Variants in PRLR observed in about 807,000 individuals in gnomAD.
PRLR encodes the protein hPRL receptor.
PRLR carries 13 observed loss-of-function variants against 40.2 expected under a neutral mutation model. The observed-to-expected ratio is 0.32, with a 90% confidence interval of 0.21 to 0.51. The LOEUF is 0.51. Ranked by LOEUF, PRLR falls within the 20% of genes least tolerant of loss-of-function variation. PRLR has a pLI of 0.97. For synonymous variants in PRLR, 269 were observed against 278.7 expected, an observed-to-expected ratio of 0.97 and a Z score of 0.35; for missense variants, 656 against 747.3, an observed-to-expected ratio of 0.88 and a Z score of 1.42.
chr5:35,151,867 C>A (rs961196018), intron 1 of PRLR, among the ~76,000 whole-genome samples: 1 of 152,182 alleles, frequency 6.6e-6, no homozygotes, highest in Non-Finnish European at 1.5e-5. Context: ...TGTCTTATTT[C>A]CTAACTCACA....
intron 2 of PRLR, among the ~76,000 whole-genome samples, chr5:35,116,680 A>G (rs1773042047): frequency 6.6e-6 from 1 of 152,204 alleles, no homozygotes; most frequent in Non-Finnish European, 1.5e-5. Flanking sequence ...GAGAAAGCAC[A>G]GAGAAGTCTG....
chr5:35,143,714 A>G (rs929677928), intron 1 of PRLR, among the ~76,000 whole-genome samples: 6 of 152,228 alleles, frequency 3.9e-5, no homozygotes, highest in African/African-American at 1.4e-4. Flanking sequence ...TACTGACCAC[A>G]AAGAACTTGT....
chr5:35,049,506 A>C (rs2112318624), intron 8 of PRLR: 1 of 633,220 alleles, frequency 1.6e-6, no homozygotes, highest in South Asian at 1.9e-5. Flanking sequence ...AATTATTCGG[A>C]TTACCATAAC....
chr5:35,144,335 T>A (rs542470868), intron 1 of PRLR, among the ~76,000 whole-genome samples: 2 of 152,302 alleles, frequency 1.3e-5, no homozygotes, highest in Admixed American at 1.3e-4. Context: ...GGGGCTTTGT[T>A]CCCTAGAGAT....
At chr5:35,085,385 A>T (rs929047410) in intron 4 of PRLR, among the ~76,000 whole-genome samples, 1 of 152,236 alleles carries the variant, frequency 6.6e-6, no homozygotes, top group Non-Finnish European at 1.5e-5. Flanking sequence ...AGCTGTCTCT[A>T]CCAGCAACTA....
chr5:35,049,322 C>T, exon 9 of PRLR: 1 of 703,260 alleles, frequency 1.4e-6, no homozygotes, highest in Non-Finnish European at 2.6e-6. Flanking sequence ...TTTGTGAACA[C>T]CGCAAGTCTT....
At chr5:35,073,434 C>G (rs1049845088) in intron 5 of PRLR, among the ~76,000 whole-genome samples, 1 of 152,158 alleles carries the variant, frequency 6.6e-6, no homozygotes, top group African/African-American at 2.4e-5. Context: ...TAATGTTTCT[C>G]GAGTATTTAC....
chr5:35,105,521 GAGA>G (rs748558429), intron 2 of PRLR, among the ~76,000 whole-genome samples: 4 of 152,178 alleles, frequency 2.6e-5, no homozygotes, highest in Non-Finnish European at 4.4e-5. Context: ...ACAGTGTATA[GAGA>G]AGACCTTAAA....
chr5:35,054,254 A>C (rs888137664), downstream of PRLR, among the ~76,000 whole-genome samples: 18 of 152,240 alleles, frequency 1.2e-4, no homozygotes, highest in African/African-American at 4.3e-4. Flanking sequence ...ATTTGTCAGC[A>C]TCTAGGAAAT....
intron 1 of PRLR, among the ~76,000 whole-genome samples, chr5:35,141,346 T>C (rs990322809): frequency 1.3e-5 from 2 of 152,066 alleles, no homozygotes; most frequent in African/African-American, 2.4e-5. Flanking sequence ...AGGCTCAGAA[T>C]TGGGAAATGC....
intron 1 of PRLR, among the ~76,000 whole-genome samples, chr5:35,196,221 G>A (rs771397090): frequency 1.6e-4 from 24 of 152,298 alleles, no homozygotes; most frequent in Admixed American, 3.9e-4. Context: ...GGCAAGTTTG[G>A]ACTCAATCCT....
At chr5:35,051,486 T>C (rs1312520724), downstream of PRLR, among the ~76,000 whole-genome samples, 1 of 152,216 alleles carries the variant, frequency 6.6e-6, no homozygotes, top group Non-Finnish European at 1.5e-5. Flanking sequence ...TAATTATTGT[T>C]TTCAATCACA....
At chr5:35,083,580 C>T (rs1770664956) in intron 5 of PRLR, among the ~76,000 whole-genome samples, 1 of 149,880 alleles carries the variant, frequency 6.7e-6, no homozygotes, top group African/African-American at 2.5e-5. Context: ...AGTGCAGTGG[C>T]ATGATCTTGG....
At chr5:35,227,454 A>G (rs1331586539) in intron 1 of PRLR, among the ~76,000 whole-genome samples, 2 of 152,162 alleles carry the variant, frequency 1.3e-5, no homozygotes, top group Non-Finnish European at 2.9e-5. Flanking sequence ...TTACTGGTAA[A>G]GCTTTAAATG....
At chr5:35,085,209 A>G (rs1579610643) in intron 4 of PRLR, among the ~76,000 whole-genome samples, 1 of 152,216 alleles carries the variant, frequency 6.6e-6, no homozygotes, top group South Asian at 2.1e-4. Context: ...GGCTGCTCAC[A>G]TTTAGACTCA....
intron 2 of PRLR, among the ~76,000 whole-genome samples, chr5:35,094,793 A>G (rs2112490751): frequency 6.8e-6 from 1 of 146,788 alleles, no homozygotes; most frequent in African/African-American, 2.5e-5. Context: ...AAAACCTCAC[A>G]TCAGGTACCA....
intron 1 of PRLR, among the ~76,000 whole-genome samples, chr5:35,174,288 C>G (rs952484642): frequency 3.3e-5 from 5 of 152,164 alleles, no homozygotes; most frequent in African/African-American, 1.2e-4. Context: ...CGGAGTTTCA[C>G]CATGTTGCCC....
At chr5:35,152,399 T>C (rs556128943) in intron 1 of PRLR, among the ~76,000 whole-genome samples, 2 of 152,366 alleles carry the variant, frequency 1.3e-5, no homozygotes, top group South Asian at 4.1e-4. Context: ...AAGCTATTAC[T>C]ACATTATAAG....
At chr5:35,078,781 C>T (rs1362145243) in intron 5 of PRLR, among the ~76,000 whole-genome samples, 1 of 152,182 alleles carries the variant, frequency 6.6e-6, no homozygotes, top group African/African-American at 2.4e-5. Context: ...ACCAATATCC[C>T]TGATGAACAT....
Sources: gnomAD v4.1 joint callset for allele counts (sites outside exome capture counted in the v4.1 genomes callset) on GRCh38, gnomAD v4.1.1 for gene constraint, MANE v1.5 for transcripts, NCBI Gene and HGNC (gene_info 2026-07-23, HGNC 2026-07-21) for gene names.